The following FRMD4A variants were observed in gnomAD, a reference collection of about 807,000 sequenced individuals.
FRMD4A encodes FERM domain-containing protein 4A.
A neutral mutation model predicts 129.1 loss-of-function variants in FRMD4A; 29 were observed. The ratio of observed to expected loss-of-function variants is 0.22; its 90% CI spans 0.17 to 0.31. The LOEUF is 0.31. FRMD4A is among the 10% of genes least tolerant of loss of function. The pLI, the probability that FRMD4A is intolerant of heterozygous loss-of-function variation, is 1.00. For missense variants in FRMD4A, 1,272 were observed against 1,375.8 expected (o/e 0.92, Z 1.19); for synonymous variants, 634 against 571.6 (o/e 1.11, Z -1.56).
chr10:14,103,477 G>T (rs1837416164), intron 2 of FRMD4A, among the ~76,000 whole-genome samples: 1 of 152,174 alleles, frequency 6.6e-6, no homozygotes, highest in South Asian at 2.1e-4. Context: ...TATACCAGAG[G>T]CCTGGGTCTC....
intron 2 of FRMD4A, among the ~76,000 whole-genome samples, chr10:14,260,622 C>T (rs1433581164): frequency 3.3e-5 from 5 of 152,162 alleles, no homozygotes; most frequent in Non-Finnish European, 5.9e-5. Context: ...ATTCAAAGCA[C>T]ATTCTGATCT....
In FRMD4A at chr10:13,707,406, G is replaced by C. The variant is rs1175670473; in HGVS notation, c.760-293C>G. 9.1e-6 allele frequency: 10 copies of C among 1,095,682 alleles called. No individual in the cohort carries two copies. In the African/African-American group the frequency reaches 1.5e-4, roughly 16 times the overall value. 67.9% of individuals were successfully genotyped at this position (1,095,682 alleles called of 1,614,324 possible). On this transcript the variant is annotated intron_variant, in intron 12 of 24. Coordinates refer to ENST00000357447, the MANE Select transcript of FRMD4A (RefSeq NM_018027.5). ...TCGGTCGGCCTTTGTTGGTTTGGTC[G>C]TGGCAGTCCCCAGCTTGGCAGACTT... is the stretch of plus-strand genomic sequence containing the variant.
At position 13,713,704 on chromosome 10, in the gene FRMD4A, C is replaced by CTCAGAGGA. The variant is rs1458739305; in HGVS notation, c.760-6592_760-6591insTCCTCTGA. Among the ~76,000 whole-genome samples, 7 of 149,932 alleles carry CTCAGAGGA rather than the reference C, an allele frequency of 4.7e-5. No individual in the cohort carries two copies. The East Asian group carries it at 1.4e-3, about 29-fold the overall frequency. On this transcript the variant is annotated intron_variant, in intron 12 of 24. Coordinates refer to ENST00000357447, the MANE Select transcript of FRMD4A (RefSeq NM_018027.5). ...TCTCAGAGGACTGGATCCCATGTGC[C>CTCAGAGGA]CTGGTAAGGTTTTGCTATTGGAGCA...
chr10:13,916,860 A>T (rs899483571), intron 2 of FRMD4A, among the ~76,000 whole-genome samples: 2 of 152,186 alleles, frequency 1.3e-5, no homozygotes, highest in Admixed American at 1.3e-4. Context: ...ATTTCCCCCC[A>T]AAAAAGAAAG....
chr10:14,280,049 G>C (rs1367033537), intron 2 of FRMD4A, among the ~76,000 whole-genome samples: 3 of 152,228 alleles, frequency 2.0e-5, no homozygotes, highest in African/African-American at 7.2e-5. Context: ...CGTGATGACT[G>C]ATGAAGACTT....
At chr10:14,172,670 A>G (rs1289667602) in intron 2 of FRMD4A, among the ~76,000 whole-genome samples, 4 of 152,196 alleles carry the variant, frequency 2.6e-5, no homozygotes, top group Non-Finnish European at 4.4e-5. Context: ...CATCCTGTCA[A>G]TCAAGTGAGC....
At chr10:13,796,393 C>A (rs1222197697) in intron 5 of FRMD4A, 103 bp downstream of exon 5, 2 of 714,898 alleles carry the variant, frequency 2.8e-6, no homozygotes, top group African/African-American at 1.8e-5. Context: ...GGCAATGAAC[C>A]AAGACAAACT....
chr10:13,834,706 G>A (rs1166080220), intron 3 of FRMD4A, among the ~76,000 whole-genome samples: 3 of 152,150 alleles, frequency 2.0e-5, no homozygotes, highest in Non-Finnish European at 4.4e-5. Flanking sequence ...AACAAGGCAC[G>A]GGGCTCCACA....
rs373359669 is a variant in FRMD4A at position 13,964,875 on chromosome 10, G to C, written c.46-105963C>G. On this transcript the variant is annotated intron_variant, in intron 2 of 24. Transcript: ENST00000357447. Reference sequence around the variant, plus strand: ...TGATTTTTGTATTTTTAGTAGAGATGGGGTTTCACCATGTTGGCCAGGATG... The same window carrying C: ...TGATTTTTGTATTTTTAGTAGAGATCGGGTTTCACCATGTTGGCCAGGATG... Among the ~76,000 whole-genome samples, 6 of 151,992 alleles carry C rather than the reference G, an allele frequency of 3.9e-5. No homozygotes were observed. The East Asian group carries it at 5.8e-4, about 15-fold the overall frequency.
intron 2 of FRMD4A, among the ~76,000 whole-genome samples, chr10:14,085,937 T>G (rs1440409909): frequency 1.3e-5 from 2 of 152,194 alleles, no homozygotes; most frequent in Admixed American, 1.3e-4. Context: ...CAGCCAAATT[T>G]TCCCTTTTAT....
chr10:14,190,148 G>C lies in FRMD4A; in HGVS notation c.45+139910C>G, dbSNP rs891748593. 1.2e-4 allele frequency among the ~76,000 whole-genome samples: 18 copies of C among 152,172 alleles called. 1 individual carries two copies. The highest frequency in any genetic ancestry group is 1.1e-3 in the Admixed American group (17 of 15,278). On this transcript the variant is annotated intron_variant, in intron 2 of 24. Transcript: ENST00000357447. ...GGTTATCACTCCCATTTTACAGACA[G>C]AAAAACTGTGGAACAGATTCTGATG...
At chr10:13,695,272 T>C (rs973285898) in intron 14 of FRMD4A, among the ~76,000 whole-genome samples, 17 of 152,116 alleles carry the variant, frequency 1.1e-4, no homozygotes, top group African/African-American at 4.1e-4. Context: ...TCCTGAGTAG[T>C]GGGGATTACA....
At chr10:13,753,541 A>ATTTTTT (rs35813128) in intron 8 of FRMD4A, among the ~76,000 whole-genome samples, 5 of 115,268 alleles carry the variant, frequency 4.3e-5, no homozygotes, top group South Asian at 5.6e-4. Context: ...GTACCTTTCT[A>ATTTTTT]TTTTTTTTTT....
chr10:13,762,938 G>A (rs183378217), intron 6 of FRMD4A, among the ~76,000 whole-genome samples: 44 of 152,044 alleles, frequency 2.9e-4, no homozygotes, highest in African/African-American at 1.0e-3. Context: ...TAGTACCACC[G>A]CACTCCAGCC....
At chr10:14,228,053 T>C (rs1254001982) in intron 2 of FRMD4A, among the ~76,000 whole-genome samples, 2 of 152,152 alleles carry the variant, frequency 1.3e-5, no homozygotes, top group African/African-American at 4.8e-5. Flanking sequence ...TTGATATTTT[T>C]AGTAGAGACA....
chr10:14,008,053 A>G (rs2095668233), intron 2 of FRMD4A: 1 of 1,302,118 alleles, frequency 7.7e-7, no homozygotes, highest in Non-Finnish European at 1.0e-6. Flanking sequence ...CCCGCCACGT[A>G]GCTTACCCTT....
At chr10:14,226,914 C>A (rs191260081) in intron 2 of FRMD4A, among the ~76,000 whole-genome samples, 26 of 152,302 alleles carry the variant, frequency 1.7e-4, no homozygotes, top group African/African-American at 4.8e-4. Context: ...ACTGGGAGGT[C>A]TTTCTTTAAA....
In FRMD4A at chr10:13,806,353, T is replaced by A. The variant is rs568758896; in HGVS notation, c.206+4461A>T. Among the ~76,000 whole-genome samples, 202 of 151,956 alleles carry A rather than the reference T, an allele frequency of 1.3e-3. 1 individual carries two copies. Among genetic ancestry groups the A allele is most frequent in the African/African-American group, 4.5e-3 (185 of 41,348 alleles). On this transcript the variant is annotated intron_variant, in intron 4 of 24. Transcript: ENST00000357447. The stretch of plus-strand genomic sequence containing the variant: ...GCAATAGAAATATTTCAAAAAAAAA[T>A]GTAAAAATGAGTTTCTCTAAGGGAT...
At chr10:13,893,359 A>G (rs901691618) in intron 2 of FRMD4A, among the ~76,000 whole-genome samples, 5 of 152,100 alleles carry the variant, frequency 3.3e-5, no homozygotes, top group African/African-American at 9.7e-5. Context: ...GCGTATTCCA[A>G]TGCAAAACCC....
Sources: allele counts gnomAD v4.1 joint callset (sites outside exome capture counted in the v4.1 genomes callset), GRCh38; gene constraint gnomAD v4.1.1; transcripts MANE v1.5; gene names NCBI Gene and HGNC (gene_info 2026-07-23, HGNC 2026-07-21).